The following OCEL1 variants were observed in gnomAD, a reference collection of about 807,000 sequenced individuals.
OCEL1 encodes the protein occludin/ELL domain containing 1.
A neutral mutation model predicts 29.4 loss-of-function variants in OCEL1; 24 were observed. That is an observed-to-expected ratio of 0.82 (90% CI 0.59 to 1.15). The LOEUF (loss-of-function observed/expected upper bound fraction) is 1.15, where lower values mean the gene tolerates loss of function less well. OCEL1 is among the 50% of genes most tolerant of loss of function. The pLI, the probability that OCEL1 is intolerant of heterozygous loss-of-function variation, is 0.00. For synonymous variants in OCEL1, 172 were observed against 145.3 expected (o/e 1.18, Z -1.32); for missense variants, 402 against 352.5 (o/e 1.14, Z -1.13).
At position 17,228,809 on chromosome 19, in the gene OCEL1, G is replaced by T; in HGVS notation, c.679G>T (p.Gly227Cys). Residue 227 changes from glycine (G) to cysteine (C), a missense_variant, in exon 6 of 6, where the codon GGC becomes TGC. Gly to Cys is a radical substitution (Grantham distance 159). Coordinates refer to ENST00000215061, the MANE Select transcript of OCEL1 (RefSeq NM_024578.3). ...REFEMKRMDP[G>C]FLDKQARCHY... ...CGGGTCTCGCCCTGCCTAGGATCCT[G>T]GCTTCCTGGACAAGCAGGCTCGCTG... The T allele has an allele frequency of 6.2e-7, 1 of 1,613,196 alleles. No individual in the cohort carries two copies. The highest frequency in any genetic ancestry group is 8.5e-7 in the Non-Finnish European group (1 of 1,179,860).
At chr19:17,228,654 A>G (rs779259835) in intron 5 of OCEL1, 149 bp from the exon 6 acceptor site, 35 of 1,087,354 alleles carry the variant, frequency 3.2e-5, no homozygotes, top group Non-Finnish European at 4.5e-5. Context: ...GATTACAGGC[A>G]TGAGCCACCT....
In OCEL1 at chr19:17,227,842, A is replaced by G; in HGVS notation, c.455A>G (p.Lys152Arg). The G allele has an allele frequency of 6.2e-7, 1 of 1,613,554 alleles. No homozygotes were observed. Among genetic ancestry groups the G allele is most frequent in the Non-Finnish European group, 8.5e-7 (1 of 1,179,910 alleles). The change falls in exon 4 of 6, where the codon AAG becomes AGG. Residue 152 changes from lysine to arginine, a missense_variant and splice_region_variant. Lys to Arg is a conservative substitution (Grantham distance 26). Transcript: ENST00000215061. ...RPHPVPDYEL[K>R]YPPVSSERER... ...TCTGACCCTCTTCAACCTGGTAGTA[A>G]GTACCCGCCAGTGAGCAGTGAGAGG... is the stretch of plus-strand genomic sequence containing the variant.
Position 17,228,002 on chromosome 19 carries a change from C to A in OCEL1, c.615C>A (p.Ser205Arg), listed in dbSNP as rs370641229. 3.1e-6 allele frequency: 5 copies of A among 1,611,840 alleles called. No homozygotes were observed. In the East Asian group the frequency reaches 1.1e-4, roughly 36 times the overall value. Reference protein sequence around the residue: ...ALLSSLPPPQSQKEAQVAARV... With the variant: ...ALLSSLPPPQRQKEAQVAARV... ...TGAGCTCCCTGCCCCCACCCCAAAGCCAGGTCAGCACTAGGGAGAAAGCCC... is the reference window on the plus strand; with the variant it reads ...TGAGCTCCCTGCCCCCACCCCAAAGACAGGTCAGCACTAGGGAGAAAGCCC... The change falls in exon 4 of 6, where the codon AGC (serine) becomes AGA (arginine). Residue 205 changes from serine to arginine, a missense_variant. By Grantham distance (110) the Ser-to-Arg change is moderately radical. Transcript: ENST00000215061.
chr19:17,226,760 G>A lies in OCEL1; in HGVS notation c.137G>A (p.Arg46Gln). ...DAPRRTRPSA[R>Q]KPLSCFSRRP... is the part of the protein sequence containing the mutation. ...CCCCGCAGGACCCGCCCATCAGCCCGGAAACCCCTGAGCTGCTTCTCCCGG... is the reference window on the plus strand; with the variant it reads ...CCCCGCAGGACCCGCCCATCAGCCCAGAAACCCCTGAGCTGCTTCTCCCGG... The change falls in exon 2 of 6, where the codon CGG (arginine) becomes CAG (glutamine). Residue 46 changes from arginine (R) to glutamine (Q), a missense_variant. By Grantham distance (43) the Arg-to-Gln change is conservative (BLOSUM62 1). Coordinates refer to ENST00000215061, the MANE Select transcript of OCEL1 (RefSeq NM_024578.3). 1.3e-6 allele frequency: 2 copies of A among 1,584,396 alleles called. No homozygotes were observed. Among genetic ancestry groups the A allele is most frequent in the Non-Finnish European group, 1.7e-6 (2 of 1,170,584 alleles).
chr19:17,226,559 C>G, intron 1 of OCEL1, 134 bp from the exon 2 acceptor site: 1 of 1,047,096 alleles, frequency 9.6e-7, no homozygotes, highest in East Asian at 2.6e-5. Context: ...TCGCGTGCGT[C>G]TATGCAAATA....
At chr19:17,228,365 G>A in intron 5 of OCEL1, 56 bp downstream of exon 5, 1 of 1,544,400 alleles carries the variant, frequency 6.5e-7, no homozygotes, top group Middle Eastern at 1.9e-4. Context: ...TGTGAGGCTG[G>A]GGTGCCTGTG....
chr19:17,226,314 C>T lies in OCEL1; in HGVS notation c.67C>T (p.Gln23Ter), dbSNP rs201366053. ...DPGSELQTLG[Q>*]AARRPPPPRA... Reference sequence around the variant, plus strand: ...AGGCTCGGAGCTCCAGACGCTGGGACAGGTGACCCGGGGCGGTAGCGAGCC... The same window carrying T: ...AGGCTCGGAGCTCCAGACGCTGGGATAGGTGACCCGGGGCGGTAGCGAGCC... Residue 23 changes from glutamine to a stop codon, truncating the protein, a stop_gained and splice_region_variant, in exon 1 of 6, where the codon CAG (glutamine) becomes TAG (stop). Coordinates refer to ENST00000215061, the MANE Select transcript of OCEL1 (RefSeq NM_024578.3). LOFTEE classifies it high-confidence loss of function. The T allele has an allele frequency of 3.4e-5, 55 of 1,611,586 alleles. 1 individual carries two copies. The African/African-American group carries it at 5.3e-4, about 16-fold the overall frequency.
rs779101763 is a variant in OCEL1 at position 17,227,835 on chromosome 19, GGTAGTAA to G, written c.453-1_458del. The G allele has an allele frequency of 2.5e-6, 4 of 1,613,190 alleles. No individual in the cohort carries two copies. Among genetic ancestry groups the G allele is most frequent in the Non-Finnish European group, 3.4e-6 (4 of 1,179,846 alleles). ...CTCACACTCTGACCCTCTTCAACCT[GGTAGTAA>G]GTACCCGCCAGTGAGCAGTGAGAGG... On this transcript the variant is annotated splice_acceptor_variant and splice_polypyrimidine_tract_variant and coding_sequence_variant and intron_variant, in exon 4 of 6. Transcript: ENST00000215061. LOFTEE classifies it high-confidence loss of function.
In OCEL1 at chr19:17,226,805, A is replaced by G; in HGVS notation, c.182A>G (p.Glu61Gly). ...TCCCGGAGGCCGATGCCCACCCGGGAGCCCCCAAAGACTCGCGGCTCCCGG... is the reference window on the plus strand; with the variant it reads ...TCCCGGAGGCCGATGCCCACCCGGGGGCCCCCAAAGACTCGCGGCTCCCGG... ...CFSRRPMPTR[E>G]PPKTRGSRGH... The change falls in exon 2 of 6, where the codon GAG (glutamate) becomes GGG (glycine). Residue 61 changes from glutamate to glycine, a missense_variant. Transcript: ENST00000215061. The G allele has an allele frequency of 6.3e-7, 1 of 1,593,472 alleles. No individual in the cohort carries two copies. The highest frequency in any genetic ancestry group is 8.5e-7 in the Non-Finnish European group (1 of 1,173,360).
At chr19:17,227,618 G>C (rs990516965) in intron 3 of OCEL1, among the ~76,000 whole-genome samples, 1 of 152,152 alleles carries the variant, frequency 6.6e-6, no homozygotes, top group Non-Finnish European at 1.5e-5. Context: ...TTGAACCCGG[G>C]AGGTGGAGGT....
chr19:17,226,306 C>T lies in OCEL1; in HGVS notation c.59C>T (p.Thr20Met), dbSNP rs1384029481. ...PTADPGSELQ[T>M]LGQAARRPPP... is the part of the protein sequence containing the mutation. ...GCAGATCCAGGCTCGGAGCTCCAGA[C>T]GCTGGGACAGGTGACCCGGGGCGGT... The change falls in exon 1 of 6, where the codon ACG becomes ATG. Residue 20 changes from threonine (T) to methionine (M), a missense_variant. Physicochemically the swap from Thr to Met is moderately conservative, Grantham distance 81. Transcript: ENST00000215061. The T allele has an allele frequency of 6.2e-7, 1 of 1,612,036 alleles. No individual in the cohort carries two copies. The highest frequency in any genetic ancestry group is 8.5e-7 in the Non-Finnish European group (1 of 1,179,506).
rs188813376 is a variant in OCEL1 at position 17,228,785 on chromosome 19, G to A, written c.673-18G>A. On this transcript the variant is annotated intron_variant, in intron 5 of 5. Coordinates refer to ENST00000215061, the MANE Select transcript of OCEL1 (RefSeq NM_024578.3). ...AGGGCAGACTGCTGCAAAGACTTCC[G>A]GGTCTCGCCCTGCCTAGGATCCTGG... 32 of 1,610,640 alleles carry A rather than the reference G, an allele frequency of 2.0e-5. No individual in the cohort carries two copies. Among genetic ancestry groups the A allele is most frequent in the South Asian group, 5.5e-5 (5 of 90,926 alleles).
chr19:17,228,738 A>C (rs567639883), intron 5 of OCEL1, 65 bp from the exon 6 acceptor site: 25 of 1,575,114 alleles, frequency 1.6e-5, no homozygotes, highest in Non-Finnish European at 2.2e-5. Flanking sequence ...AAAGGCAGAG[A>C]GTTAAGCAGC....
At chr19:17,226,589 C>G in intron 1 of OCEL1, 104 bp from the exon 2 acceptor site, 12 of 1,267,822 alleles carry the variant, frequency 9.5e-6, no homozygotes, top group Non-Finnish European at 1.3e-5. Flanking sequence ...CTGGGGAACT[C>G]TGCTCCCGCG....
At chr19:17,226,935 T>C (rs1032153093) in intron 2 of OCEL1, 59 bp from the exon 3 acceptor site, 2 of 1,528,176 alleles carry the variant, frequency 1.3e-6, no homozygotes, top group African/African-American at 2.8e-5. Flanking sequence ...CCCTCCAGTT[T>C]GAGGGACTCC....
chr19:17,228,542 T>C, intron 5 of OCEL1: 1 of 604,456 alleles, frequency 1.7e-6, no homozygotes, highest in Non-Finnish European at 2.8e-6. Context: ...CCTGGCAAAT[T>C]TTTGTATTTG....
rs1266928485 is a variant in OCEL1 at position 17,228,013 on chromosome 19, C to G, written c.618+8C>G. ...CCCCCACCCCAAAGCCAGGTCAGCA[C>G]TAGGGAGAAAGCCCTGCCCCGCAGC... On this transcript the variant is annotated splice_region_variant and intron_variant, in intron 4 of 5. Transcript: ENST00000215061. 4 of 1,611,254 alleles carry G rather than the reference C, an allele frequency of 2.5e-6. No homozygotes were observed. Among genetic ancestry groups the G allele is most frequent in the South Asian group, 1.1e-5 (1 of 90,980 alleles).
chr19:17,226,420 C>G, intron 1 of OCEL1, 104 bp downstream of exon 1: 1 of 1,348,536 alleles, frequency 7.4e-7, no homozygotes, highest in Non-Finnish European at 1.0e-6. Flanking sequence ...CCCTGGAGGT[C>G]GAGGCTCCGG....
intron 1 of OCEL1, 117 bp from the exon 2 acceptor site, chr19:17,226,576 G>A: frequency 8.4e-7 from 1 of 1,185,476 alleles, no homozygotes; most frequent in African/African-American, 1.5e-5. Flanking sequence ...AATAGCGGTC[G>A]TTCTGGGGAA....
Sources: gnomAD v4.1 joint callset for allele counts (sites outside exome capture counted in the v4.1 genomes callset) on GRCh38, gnomAD v4.1.1 for gene constraint, MANE v1.5 for transcripts, NCBI Gene and HGNC (gene_info 2026-07-23, HGNC 2026-07-21) for gene names.